Variants in SFI1 observed in about 807,000 individuals in gnomAD.
The protein encoded by SFI1 is protein SFI1 homolog.
In SFI1, 195 loss-of-function variants were observed where a neutral mutation model predicts 207.5. The observed-to-expected ratio is 0.94, with a 90% CI of 0.84 to 1.06. The LOEUF (loss-of-function observed/expected upper bound fraction) is 1.06. Ranked by LOEUF, SFI1 falls within the 50% of genes least tolerant of loss-of-function variation. The pLI, the probability that SFI1 is intolerant of heterozygous loss-of-function variation, is 0.00. For missense variants in SFI1, 1,634 were observed against 1,588.0 expected (o/e 1.03, Z -0.49); for synonymous variants, 630 against 598.9 (o/e 1.05, Z -0.76).
At chr22:31,586,577 C>T (rs2065053163) in intron 14 of SFI1, among the ~76,000 whole-genome samples, 2 of 152,214 alleles carry the variant, frequency 1.3e-5, no homozygotes. Flanking sequence ...TCACTGCATT[C>T]TTTGACATGC....
chr22:31,542,101 T>TAAAAA (rs10651316), intron 4 of SFI1, among the ~76,000 whole-genome samples: 4 of 114,436 alleles, frequency 3.5e-5, no homozygotes, highest in Non-Finnish European at 6.8e-5. Flanking sequence ...ACCCCGTCTT[T>TAAAAA]AAAAAAAAAA....
intron 8 of SFI1, 99 bp downstream of exon 8, chr22:31,561,491 T>A: frequency 1.0e-6 from 1 of 982,736 alleles, no homozygotes; most frequent in Non-Finnish European, 1.5e-6. Flanking sequence ...GCTCAGGGCC[T>A]GAGAGGGGGT....
At chr22:31,539,630 C>G (rs1430277907) in intron 4 of SFI1, among the ~76,000 whole-genome samples, 1 of 151,950 alleles carries the variant, frequency 6.6e-6, no homozygotes, top group Non-Finnish European at 1.5e-5. Flanking sequence ...TTTTTGGTCA[C>G]TCTGTCATGT....
chr22:31,504,766 G>A (rs941324057), intron 1 of SFI1, among the ~76,000 whole-genome samples: 1 of 152,070 alleles, frequency 6.6e-6, no homozygotes, highest in Non-Finnish European at 1.5e-5. Flanking sequence ...GGCAATTCTT[G>A]TAGATACATC....
In SFI1 at chr22:31,615,031, G is replaced by A; in HGVS notation, c.3069-17G>A. The stretch of plus-strand genomic sequence containing the variant: ...GGTCCTGTGGCCTGACCAGGCTCTT[G>A]CCTTCCCTGTGCTCAGGCCTCAGAA... On this transcript the variant is annotated splice_polypyrimidine_tract_variant and intron_variant, in intron 28 of 32. Coordinates refer to ENST00000400288, the MANE Select transcript of SFI1 (RefSeq NM_001007467.3). 4 of 1,611,218 alleles carry A rather than the reference G, an allele frequency of 2.5e-6. No individual in the cohort carries two copies. In the Middle Eastern group the frequency reaches 6.6e-4, roughly 266 times the overall value.
At chr22:31,580,046 G>A (rs1309215605) in intron 11 of SFI1, 1 of 466,246 alleles carries the variant, frequency 2.1e-6, no homozygotes, top group Admixed American at 3.8e-5. Context: ...ACAGCAGGGA[G>A]GGTTCAGCAA....
intron 15 of SFI1, among the ~76,000 whole-genome samples, chr22:31,599,471 C>T (rs1009802885): frequency 1.3e-5 from 2 of 151,900 alleles, no homozygotes; most frequent in Non-Finnish European, 2.9e-5. Context: ...GGACTATAGG[C>T]ACACGCCACC....
chr22:31,614,926 C>T (rs763354151), intron 28 of SFI1, 66 bp downstream of exon 28: 11 of 1,588,730 alleles, frequency 6.9e-6, no homozygotes, highest in African/African-American at 5.4e-5. Context: ...AGGCAGCGGG[C>T]ACCTCCATGT....
chr22:31,505,626 A>G (rs2146527900), intron 1 of SFI1, among the ~76,000 whole-genome samples: 1 of 151,096 alleles, frequency 6.6e-6, no homozygotes, highest in East Asian at 2.0e-4. Context: ...ATCTCTACAC[A>G]CAAAAAAAGG....
chr22:31,613,642 C>T lies in SFI1; in HGVS notation c.2783C>T (p.Thr928Met), dbSNP rs968665512. Residue 928 changes from threonine to methionine, a missense_variant, in exon 27 of 33, where the codon ACG becomes ATG. Thr to Met is a moderately conservative substitution (Grantham distance 81, BLOSUM62 -1). Transcript: ENST00000400288. ...SLHRAVRRCA[T>M]LWKQKVLGRG... ...CATCGTGCCGTCCGCCGCTGTGCCA[C>T]GCTCTGGAAACAGAAAGTGCTGGGC... 12 of 1,601,030 alleles carry T rather than the reference C, an allele frequency of 7.5e-6. No homozygotes were observed. In the African/African-American group the frequency reaches 9.4e-5, roughly 12 times the overall value.
intron 10 of SFI1, among the ~76,000 whole-genome samples, chr22:31,576,459 T>G (rs1384642654): frequency 6.6e-6 from 1 of 151,754 alleles, no homozygotes; most frequent in Non-Finnish European, 1.5e-5. Flanking sequence ...TAGCTGGGAT[T>G]ACAGGCGGCC....
chr22:31,592,635 A>AC (rs556083295), intron 15 of SFI1, among the ~76,000 whole-genome samples: 7,642 of 13,814 alleles, frequency 0.55, 3,012 homozygotes, highest in Non-Finnish European at 0.73. Context: ...CGGAGGGCTG[A>AC]CCCCCCCACC....
At chr22:31,606,278 C>T in intron 20 of SFI1, 50 bp from the exon 21 acceptor site, 1 of 1,537,262 alleles carries the variant, frequency 6.5e-7, no homozygotes, top group Non-Finnish European at 9.0e-7. Context: ...AGCCTCCCTT[C>T]TCTCTCTATC....
chr22:31,516,189 G>A (rs1019256057), intron 2 of SFI1, among the ~76,000 whole-genome samples: 7 of 151,954 alleles, frequency 4.6e-5, no homozygotes, highest in Admixed American at 3.9e-4. Context: ...TTCTCCCTCT[G>A]CTCTCTTCAT....
At chr22:31,530,924 T>G (rs1229628147) in intron 3 of SFI1, 134 bp from the exon 4 acceptor site, 2 of 663,150 alleles carry the variant, frequency 3.0e-6, no homozygotes, top group African/African-American at 3.6e-5. Flanking sequence ...CAAAATTAGC[T>G]ATGATACCGC....
At position 31,618,157 on chromosome 22, in the gene SFI1, G is replaced by A. The variant is rs764290821; in HGVS notation, c.3555G>A (p.Glu1185=). 4 of 1,591,196 alleles carry A rather than the reference G, an allele frequency of 2.5e-6. No individual in the cohort carries two copies. Among genetic ancestry groups the A allele is most frequent in the South Asian group, 1.1e-5 (1 of 87,132 alleles). ...CGAGCAGCCTGCGCAGGTGGCTGGAGCTGAACAGAGAGGAGCCGGGGCCTG... is the reference window on the plus strand; with the variant it reads ...CGAGCAGCCTGCGCAGGTGGCTGGAACTGAACAGAGAGGAGCCGGGGCCTG... The part of the protein sequence containing the change: ...RQASSLRRWL[E]LNREEPGPED... The change falls in exon 32 of 33, where the codon GAG becomes GAA. Residue 1185 remains glutamate, a synonymous_variant. Coordinates refer to ENST00000400288, the MANE Select transcript of SFI1 (RefSeq NM_001007467.3).
intron 3 of SFI1, among the ~76,000 whole-genome samples, chr22:31,530,267 G>A (rs1207792292): frequency 1.4e-5 from 2 of 147,354 alleles, no homozygotes; most frequent in Non-Finnish European, 3.0e-5. Flanking sequence ...GAGGCGGGTG[G>A]ATCATGAGGT....
In SFI1 at chr22:31,603,811, T is replaced by G; in HGVS notation, c.1873T>G (p.Trp625Gly). The G allele has an allele frequency of 1.3e-6, 2 of 1,569,538 alleles. No individual in the cohort carries two copies. The highest frequency in any genetic ancestry group is 1.7e-6 in the Non-Finnish European group (2 of 1,166,806). Residue 625 changes from tryptophan (W) to glycine (G), a missense_variant, in exon 18 of 33, where the codon TGG becomes GGG. Physicochemically the swap from Trp to Gly is radical, Grantham distance 184. Transcript: ENST00000400288. Reference sequence around the variant, plus strand: ...GCTCCTGCGTTGGGCCTGGAGCCAGTGGAGGGAGGTAAGGCTTTGGTGCGA... The same window carrying G: ...GCTCCTGCGTTGGGCCTGGAGCCAGGGGAGGGAGGTAAGGCTTTGGTGCGA... ...AQLLRWAWSQ[W>G]RECLALRGAE...
intron 3 of SFI1, chr22:31,530,770 C>T (rs1261773177): frequency 2.3e-6 from 1 of 441,666 alleles, no homozygotes; most frequent in East Asian, 5.1e-5. Flanking sequence ...ATAATATGAA[C>T]AAAAGAATTA....
Sources: allele counts gnomAD v4.1 joint callset (sites outside exome capture counted in the v4.1 genomes callset), GRCh38; gene constraint gnomAD v4.1.1; transcripts MANE v1.5; gene names NCBI Gene and HGNC (gene_info 2026-07-23, HGNC 2026-07-21).